PSD3: variants seen among roughly 807,000 people sequenced by gnomAD.
PSD3 encodes PH and SEC7 domain-containing protein 3.
PSD3 carries 49 observed loss-of-function variants against 105.5 expected under a neutral mutation model. The ratio of observed to expected loss-of-function variants is 0.46; its 90% CI spans 0.37 to 0.59. The LOEUF is 0.59. Among genes scored for constraint, PSD3 ranks in the 20% least tolerant of loss-of-function variants. The pLI is 0.00. For synonymous variants in PSD3, 557 were observed against 457.8 expected (o/e 1.22, Z -2.77); for missense variants, 1,561 against 1,263.8 (o/e 1.24, Z -3.57).
intron 12 of PSD3, among the ~76,000 whole-genome samples, chr8:18,577,680 C>T (rs952514574): frequency 1.3e-5 from 2 of 152,020 alleles, no homozygotes; most frequent in South Asian, 2.1e-4. Context: ...CGAAAATGCT[C>T]TGTTTATCTA....
chr8:19,057,478 C>T (rs567629878), intron 1 of PSD3, among the ~76,000 whole-genome samples: 39 of 152,316 alleles, frequency 2.6e-4, no homozygotes, highest in African/African-American at 7.9e-4. Flanking sequence ...TTGCAAGATC[C>T]AGGACTTACA....
intron 2 of PSD3, among the ~76,000 whole-genome samples, chr8:18,930,803 C>A (rs920836322): frequency 1.3e-5 from 2 of 152,048 alleles, no homozygotes; most frequent in Non-Finnish European, 2.9e-5. Flanking sequence ...CTCTTGATCT[C>A]GTGATCTGCC....
rs1817420992 is a variant in PSD3, at chr8:18,872,280, G to A, written c.584C>T (p.Pro195Leu). The A allele has an allele frequency of 1.2e-6, 2 of 1,614,034 alleles. No homozygotes were observed. Among genetic ancestry groups the A allele is most frequent in the African/African-American group, 1.3e-5 (1 of 74,908 alleles). The change falls in exon 3 of 16, where the codon CCA (proline) becomes CTA (leucine). Residue 195 changes from proline to leucine, a missense_variant. Transcript: ENST00000327040. ...KTLPAGQKNL[P>L]EIPLSAEVTT... ...TACTTCAGCTGAAAGAGGTATTTCT[G>A]GTAAATTTTTTTGGCCAGCAGGGAG...
In PSD3 at chr8:18,677,297, G is replaced by C. The variant is rs7837783; in HGVS notation, c.2173-21612C>G. On this transcript the variant is annotated intron_variant, in intron 9 of 15. Transcript: ENST00000327040. ...AGGTTTCCTAACAAAAATAAAACCA[G>C]GTCAGCGCAGTGGCTCATGCCTTGA... Among the ~76,000 whole-genome samples the C allele has an allele frequency of 0.017, 2,608 of 152,248 alleles. 171 individuals are homozygous for C. In the East Asian group the frequency reaches 0.22, roughly 13 times the overall value.
chr8:18,774,085 C>A (rs899593282), intron 8 of PSD3, among the ~76,000 whole-genome samples: 5 of 152,112 alleles, frequency 3.3e-5, no homozygotes, highest in African/African-American at 1.2e-4. Context: ...CCTTGCTGAA[C>A]GTCTTTAGTC....
At chr8:18,841,861 C>T (rs1360714664) in intron 4 of PSD3, among the ~76,000 whole-genome samples, 1 of 151,976 alleles carries the variant, frequency 6.6e-6, no homozygotes, top group Non-Finnish European at 1.5e-5. Flanking sequence ...GTAAAGAGAC[C>T]CTAATCCCTT....
At chr8:18,643,102 C>A (rs191727117) in intron 10 of PSD3, among the ~76,000 whole-genome samples, 1 of 152,148 alleles carries the variant, frequency 6.6e-6, no homozygotes, top group Non-Finnish European at 1.5e-5. Flanking sequence ...TTATTTCTTA[C>A]AGTTCTGGAG....
chr8:18,667,985 C>T (rs186768382), intron 9 of PSD3, among the ~76,000 whole-genome samples: 14 of 152,352 alleles, frequency 9.2e-5, no homozygotes, highest in African/African-American at 2.9e-4. Context: ...AAGTGTGGGG[C>T]CCGCGGAAGC....
At position 18,729,771 on chromosome 8, in the gene PSD3, GAAAATCCTTCAC is replaced by G. The variant is rs765430027; in HGVS notation, c.2172+35666_2172+35677del. ...AGAAATTACAAATGCCATTCTGGAGGAAAATCCTTCACATCCCTATCTTGAGCCTACTACACA... is the reference window on the plus strand; with the variant it reads ...AGAAATTACAAATGCCATTCTGGAGGATCCCTATCTTGAGCCTACTACACA... On this transcript the variant is annotated intron_variant, in intron 9 of 15. Transcript: ENST00000327040. 1.9e-3 allele frequency among the ~76,000 whole-genome samples: 290 copies of G among 152,222 alleles called. 1 individual carries two copies. The highest frequency in any genetic ancestry group is 3.0e-3 in the Non-Finnish European group (203 of 68,006).
chr8:18,608,300 A>G (rs1417850341), intron 11 of PSD3, among the ~76,000 whole-genome samples: 4 of 152,224 alleles, frequency 2.6e-5, no homozygotes, highest in Non-Finnish European at 5.9e-5. Flanking sequence ...GATTGAAGGG[A>G]CATCCACAGT....
chr8:19,054,358 C>T (rs1828636815), intron 1 of PSD3, among the ~76,000 whole-genome samples: 1 of 152,116 alleles, frequency 6.6e-6, no homozygotes, highest in Non-Finnish European at 1.5e-5. Context: ...CAAACTAATG[C>T]AGGGACAATG....
chr8:18,979,914 A>G (rs1168663862), intron 1 of PSD3: 1 of 152,246 alleles, frequency 6.6e-6, no homozygotes, highest in Non-Finnish European at 1.5e-5. Context: ...AATCATTGAA[A>G]GGTGGAACAG....
At chr8:18,863,132 AG>A (rs1317159530) in intron 4 of PSD3, among the ~76,000 whole-genome samples, 1 of 152,218 alleles carries the variant, frequency 6.6e-6, no homozygotes, top group Non-Finnish European at 1.5e-5. Flanking sequence ...CCAAAAAAGA[AG>A]TTCCTGCCAT....
In PSD3 at chr8:18,533,378, T is replaced by A. The variant is rs1296532202; in HGVS notation, c.*2365A>T. 6.6e-6 allele frequency: 1 copy of A among 152,220 alleles called. No individual in the cohort carries two copies. The highest frequency in any genetic ancestry group is 1.5e-5 in the Non-Finnish European group (1 of 68,052). The allele number at this position is 152,220 out of a possible 1,614,324, so 9.4% of individuals were successfully genotyped here. ...GATAAACTATGCAAACATGGTATAC[T>A]GAAGCTTCAAAAGAGCCCTTCGTAT... On this transcript the variant is annotated 3_prime_UTR_variant, in exon 16 of 16. Transcript: ENST00000327040.
chr8:18,902,398 C>T (rs1005619312), intron 2 of PSD3, among the ~76,000 whole-genome samples: 7 of 152,190 alleles, frequency 4.6e-5, no homozygotes, highest in African/African-American at 1.4e-4. Flanking sequence ...GAATTGTTTT[C>T]CTGACTTCAT....
chr8:18,892,529 A>G (rs1266752779), intron 2 of PSD3, among the ~76,000 whole-genome samples: 2 of 151,414 alleles, frequency 1.3e-5, no homozygotes, highest in Non-Finnish European at 2.9e-5. Context: ...GGCCATAAAC[A>G]TTTTTAATGA....
intron 2 of PSD3, among the ~76,000 whole-genome samples, chr8:18,932,912 T>C (rs138825317): frequency 6.6e-6 from 1 of 152,344 alleles, no homozygotes; most frequent in African/African-American, 2.4e-5. Context: ...CAAGTTCAAC[T>C]TCCACCTCCT....
chr8:18,752,607 TAA>T (rs1805673829), intron 9 of PSD3, among the ~76,000 whole-genome samples: 3 of 68,522 alleles, frequency 4.4e-5, no homozygotes, highest in African/African-American at 6.2e-5. Context: ...ATATTATATA[TAA>T]TACATATAAT....
At chr8:18,688,963 G>A (rs1404684650) in intron 9 of PSD3, among the ~76,000 whole-genome samples, 1 of 152,188 alleles carries the variant, frequency 6.6e-6, no homozygotes, top group African/African-American at 2.4e-5. Flanking sequence ...CAAAATAGCA[G>A]GAGACATTTA....
Sources: allele counts gnomAD v4.1 joint callset (sites outside exome capture counted in the v4.1 genomes callset), GRCh38; gene constraint gnomAD v4.1.1; transcripts MANE v1.5; gene names NCBI Gene and HGNC (gene_info 2026-07-23, HGNC 2026-07-21).